The following RBM20 variants were observed in gnomAD, a reference collection of about 807,000 sequenced individuals.
RBM20 encodes the protein RNA binding motif protein 20.
Under a neutral mutation model 110.1 loss-of-function variants are expected in RBM20, and 51 were observed. The observed-to-expected ratio is 0.46, with a 90% CI of 0.37 to 0.59. The LOEUF is 0.59. Among genes scored for constraint, RBM20 ranks in the 20% least tolerant of loss-of-function variants. The probability of loss-of-function intolerance (pLI) is 0.00; values close to 1 mark genes in which losing one functional copy is unlikely to be tolerated. For missense variants in RBM20, 1,512 were observed against 1,574.9 expected (o/e 0.96, Z 0.68); for synonymous variants, 589 against 618.2 (o/e 0.95, Z 0.70).
At position 110,837,359 on chromosome 10, in the gene RBM20, C is replaced by A. The variant is rs1451399689; in HGVS notation, c.*1381C>A. Reference sequence around the variant, plus strand: ...AGGTGCTGGGGGAAATGAGGCTCTGCCACAGCCATAGAGAGGCCCTCGGGC... The same window carrying A: ...AGGTGCTGGGGGAAATGAGGCTCTGACACAGCCATAGAGAGGCCCTCGGGC... On this transcript the variant is annotated 3_prime_UTR_variant, in exon 14 of 14. Transcript: ENST00000369519. 1 of 152,204 alleles carries A rather than the reference C, an allele frequency of 6.6e-6. No homozygotes were observed. Among genetic ancestry groups the A allele is most frequent in the Non-Finnish European group, 1.5e-5 (1 of 68,058 alleles). The allele number at this position is 152,204 out of a possible 1,614,324, so 9.4% of individuals were successfully genotyped here.
intron 1 of RBM20, among the ~76,000 whole-genome samples, chr10:110,726,493 G>A (rs1403773325): frequency 6.6e-6 from 1 of 152,172 alleles, no homozygotes; most frequent in African/African-American, 2.4e-5. Context: ...ATAGCTTGGT[G>A]ATTAACCCCA....
intron 1 of RBM20, 129 bp from the exon 2 acceptor site, chr10:110,780,672 C>G (rs1844325333): frequency 7.8e-6 from 7 of 895,800 alleles, no homozygotes; most frequent in Non-Finnish European, 1.1e-5. Context: ...TTTGCAGATT[C>G]ACTTGTATGT....
chr10:110,659,778 C>T (rs1862075535), intron 1 of RBM20, among the ~76,000 whole-genome samples: 1 of 150,520 alleles, frequency 6.6e-6, no homozygotes, highest in African/African-American at 2.4e-5. Context: ...TCTTCCTCTT[C>T]CTCCTCCTCT....
chr10:110,667,383 G>C (rs1306374578), intron 1 of RBM20, among the ~76,000 whole-genome samples: 2 of 152,172 alleles, frequency 1.3e-5, no homozygotes, highest in Non-Finnish European at 2.9e-5. Flanking sequence ...GAATGAGGAG[G>C]CTCAGTGCTC....
intron 1 of RBM20, among the ~76,000 whole-genome samples, chr10:110,650,260 T>G (rs1018728660): frequency 6.6e-6 from 1 of 152,226 alleles, no homozygotes; most frequent in East Asian, 1.9e-4. Context: ...TCAAGTTGAT[T>G]GATCTTCCTC....
intron 5 of RBM20, among the ~76,000 whole-genome samples, chr10:110,787,373 G>A (rs141212551): frequency 5.3e-5 from 8 of 152,326 alleles, no homozygotes; most frequent in African/African-American, 1.4e-4. Flanking sequence ...TTTGGGAACC[G>A]TCAAGTACAT....
chr10:110,799,730 A>G, intron 6 of RBM20, 57 bp from the exon 7 acceptor site: 4 of 1,506,542 alleles, frequency 2.7e-6, no homozygotes, highest in East Asian at 5.0e-5. Context: ...CTTGTGCTGA[A>G]TCTTGTTTAA....
chr10:110,692,794 G>A (rs2134879394), intron 1 of RBM20, among the ~76,000 whole-genome samples: 1 of 152,268 alleles, frequency 6.6e-6, no homozygotes, highest in Non-Finnish European at 1.5e-5. Context: ...TAGAAGTGGA[G>A]AAAGCAAGCA....
chr10:110,730,884 TC>T lies in RBM20; in HGVS notation c.192-49913del, dbSNP rs576000681. Among the ~76,000 whole-genome samples, 94 of 152,260 alleles carry T rather than the reference TC, an allele frequency of 6.2e-4. 1 individual carries two copies. The highest frequency in any genetic ancestry group is 2.2e-3 in the African/African-American group (93 of 41,540). ...GCATCCTTCCTGGTTTCTTTCTACC[TC>T]CCCACCCTCCTACTTGAAGTGTCAA... On this transcript the variant is annotated intron_variant, in intron 1 of 13. Transcript: ENST00000369519.
intron 1 of RBM20, among the ~76,000 whole-genome samples, chr10:110,680,859 T>C (rs896400816): frequency 6.6e-6 from 1 of 152,210 alleles, no homozygotes; most frequent in Non-Finnish European, 1.5e-5. Context: ...CCATATTTCC[T>C]TCCTGTTTCT....
chr10:110,644,437 G>T lies in RBM20; in HGVS notation c.-18G>T, dbSNP rs1237187854. 2.1e-6 allele frequency: 3 copies of T among 1,459,920 alleles called. No homozygotes were observed. The highest frequency in any genetic ancestry group is 5.1e-5 in the Admixed American group (2 of 39,322). The allele number at this position is 1,459,920 out of a possible 1,614,324, so 90.4% of individuals were successfully genotyped here. ...CCTTGAGCTCTCTCGCCGCGATCCC[G>T]GGCGGGTCTCGCCCCGCATGGTGCT... is the stretch of plus-strand genomic sequence containing the variant. On this transcript the variant is annotated 5_prime_UTR_variant, in exon 1 of 14. Coordinates refer to ENST00000369519, the MANE Select transcript of RBM20 (RefSeq NM_001134363.3). The surrounding 1 kb of genome is among the most constrained non-coding windows in gnomAD (Gnocchi z 4.3).
rs10159626 is a variant in RBM20, at chr10:110,773,916, A to G, written c.192-6885A>G. Among the ~76,000 whole-genome samples, 415 of 152,312 alleles carry G rather than the reference A, an allele frequency of 2.7e-3. 2 individuals carry two copies. The highest frequency in any genetic ancestry group is 9.4e-3 in the African/African-American group (392 of 41,576). ...AAAGCCCGGGGATCTGATACCAAAC[A>G]TGTTAGTTAAACTCATGTTTAACTA... On this transcript the variant is annotated intron_variant, in intron 1 of 13. Transcript: ENST00000369519.
At chr10:110,760,005 G>A (rs901824900) in intron 1 of RBM20, among the ~76,000 whole-genome samples, 6 of 152,166 alleles carry the variant, frequency 3.9e-5, no homozygotes, top group Non-Finnish European at 8.8e-5. Context: ...AGTGGTGGTG[G>A]GGGGCACAGG....
chr10:110,690,267 G>A (rs1016836959), intron 1 of RBM20, among the ~76,000 whole-genome samples: 2 of 152,080 alleles, frequency 1.3e-5, no homozygotes, highest in African/African-American at 4.8e-5. Context: ...TTAGCTGGGT[G>A]TGGTGGTGTG....
At chr10:110,692,584 G>A (rs1439943701) in intron 1 of RBM20, among the ~76,000 whole-genome samples, 1 of 151,978 alleles carries the variant, frequency 6.6e-6, no homozygotes, top group Admixed American at 6.6e-5. Flanking sequence ...TTTATGAGTT[G>A]ATATTGTATC....
chr10:110,650,681 T>C (rs535672681), intron 1 of RBM20, among the ~76,000 whole-genome samples: 38 of 152,312 alleles, frequency 2.5e-4, no homozygotes, highest in African/African-American at 8.4e-4. Flanking sequence ...CAGTTACCAC[T>C]TCCCACTCTG....
chr10:110,680,483 C>T (rs547473853), intron 1 of RBM20, among the ~76,000 whole-genome samples: 3 of 152,292 alleles, frequency 2.0e-5, no homozygotes, highest in African/African-American at 4.8e-5. Context: ...TGGTAGGAGC[C>T]TCCTTCTCCA....
At chr10:110,717,148 T>A (rs768069429) in intron 1 of RBM20, among the ~76,000 whole-genome samples, 1 of 152,064 alleles carries the variant, frequency 6.6e-6, no homozygotes, top group Non-Finnish European at 1.5e-5. Context: ...AGGACAGAAC[T>A]GTGTGCTGCC....
intron 1 of RBM20, among the ~76,000 whole-genome samples, chr10:110,669,451 T>C (rs890413668): frequency 2.6e-5 from 4 of 152,268 alleles, no homozygotes; most frequent in East Asian, 1.9e-4. Context: ...AAGCCTCTTA[T>C]GGTTTTTTGC....
Sources: gnomAD v4.1 joint callset for allele counts (sites outside exome capture counted in the v4.1 genomes callset) on GRCh38, gnomAD v4.1.1 for gene constraint, Gnocchi (gnomAD v3.1) non-coding constraint, MANE v1.5 for transcripts, NCBI Gene and HGNC (gene_info 2026-07-23, HGNC 2026-07-21) for gene names.